WASHC4: variants seen among roughly 807,000 people sequenced by gnomAD.
The protein encoded by WASHC4 is WASH complex subunit 4, also known as WASH complex subunit 7.
Under a neutral mutation model 166.6 loss-of-function variants are expected in WASHC4, and 86 were observed. That is an observed-to-expected ratio of 0.52 (90% confidence interval 0.43 to 0.62). WASHC4 has a LOEUF of 0.62. WASHC4 is among the 20% of genes least tolerant of loss of function. WASHC4 has a pLI of 0.00. For missense variants in WASHC4, 1,262 were observed against 1,382.4 expected (o/e 0.91, Z 1.38); for synonymous variants, 446 against 451.6 (o/e 0.99, Z 0.16).
In WASHC4 at chr12:105,120,581, C is replaced by A; in HGVS notation, c.545C>A (p.Thr182Asn). 1 of 1,602,494 alleles carries A rather than the reference C, an allele frequency of 6.2e-7. No individual in the cohort carries two copies. Among genetic ancestry groups the A allele is most frequent in the Non-Finnish European group, 8.5e-7 (1 of 1,169,736 alleles). Residue 182 changes from threonine (T) to asparagine (N), a missense_variant, in exon 8 of 33, where the codon ACT becomes AAT. Transcript: ENST00000332180. ...NKIAPKIIET[T>N]GVHFQTMYEH... ...ATTGCACCCAAAATTATAGAGACAA[C>A]TGGAGTTCATTTTCAGGTAAAAGAC...
At chr12:105,124,399 C>T (rs1180273102) in intron 10 of WASHC4, among the ~76,000 whole-genome samples, 2 of 151,864 alleles carry the variant, frequency 1.3e-5, no homozygotes, top group African/African-American at 4.8e-5. Flanking sequence ...TGTTTTTGTG[C>T]TGGTTGGGAA....
chr12:105,151,164 A>G (rs889094244), intron 25 of WASHC4, among the ~76,000 whole-genome samples: 4 of 151,540 alleles, frequency 2.6e-5, no homozygotes, highest in Non-Finnish European at 4.4e-5. Flanking sequence ...AAAAAAAAAA[A>G]AAAAAAGAAC....
intron 22 of WASHC4, 117 bp downstream of exon 22, chr12:105,144,989 T>C (rs1883180121): frequency 1.9e-6 from 2 of 1,045,192 alleles, no homozygotes; most frequent in Non-Finnish European, 2.8e-6. Context: ...TAAGAAATTA[T>C]TTGCCATATA....
In WASHC4 at chr12:105,124,774, C is replaced by T. The variant is rs564796722; in HGVS notation, c.787-1230C>T. 1.7e-3 allele frequency among the ~76,000 whole-genome samples: 264 copies of T among 152,284 alleles called. 3 individuals are homozygous for T. Among genetic ancestry groups the T allele is most frequent in the African/African-American group, 6.2e-3 (257 of 41,564 alleles). On this transcript the variant is annotated intron_variant, in intron 10 of 32. Coordinates refer to ENST00000332180, the MANE Select transcript of WASHC4 (RefSeq NM_015275.3). ...GATTACAGGCATGAGCCACCATGCC[C>T]GGCCAGGTTAAGGTTTTTAAGACAA...
chr12:105,146,303 T>G, intron 22 of WASHC4, 149 bp from the exon 23 acceptor site: 1 of 573,810 alleles, frequency 1.7e-6, no homozygotes, highest in Non-Finnish European at 3.1e-6. Flanking sequence ...ATTTGTCTTT[T>G]AACGTTTGAT....
At chr12:105,133,607 G>C (rs1211276) in intron 13 of WASHC4, among the ~76,000 whole-genome samples, 163 bp from the exon 14 acceptor site, 133,854 of 152,232 alleles carry the variant, frequency 0.88, 59,140 homozygotes, top group East Asian at 1. Flanking sequence ...CAGTACCTGG[G>C]ATGTTTGTTG....
intron 24 of WASHC4, chr12:105,148,236 C>G: frequency 1.0e-6 from 1 of 985,106 alleles, no homozygotes; most frequent in Non-Finnish European, 1.2e-6. Context: ...ATGAAACATA[C>G]AATTTTAAAT....
chr12:105,110,289 A>C (rs565699913), intron 1 of WASHC4, among the ~76,000 whole-genome samples: 2 of 152,306 alleles, frequency 1.3e-5, no homozygotes, highest in East Asian at 3.9e-4. Flanking sequence ...GAGGAGAGCA[A>C]ATTTTTACCT....
At chr12:105,147,498 A>T (rs1475051880) in intron 24 of WASHC4, 1 of 585,532 alleles carries the variant, frequency 1.7e-6, no homozygotes, top group East Asian at 8.1e-5. Flanking sequence ...GAAAGTCAAC[A>T]ATAGATAGTA....
Position 105,107,877 on chromosome 12 carries a change from G to A in WASHC4, c.61+16G>A, listed in dbSNP as rs1158436934. ...GGCTCGCAGAGTAAGGGAGCTGCAG[G>A]GCGAGGGCTGCGGGTGGACGCTCCT... is the stretch of plus-strand genomic sequence containing the variant. On this transcript the variant is annotated intron_variant, in intron 1 of 32. Coordinates refer to ENST00000332180, the MANE Select transcript of WASHC4 (RefSeq NM_015275.3). The A allele has an allele frequency of 6.5e-7, 1 of 1,540,350 alleles. No individual in the cohort carries two copies. Among genetic ancestry groups the A allele is most frequent in the Non-Finnish European group, 8.8e-7 (1 of 1,137,372 alleles).
chr12:105,122,039 G>T, intron 9 of WASHC4, 79 bp from the exon 10 acceptor site: 2 of 1,009,476 alleles, frequency 2.0e-6, no homozygotes, highest in South Asian at 1.5e-5. Context: ...ATAAAATTTT[G>T]ACTTCCAGGA....
At chr12:105,151,154 A>G (rs1018934806) in intron 25 of WASHC4, among the ~76,000 whole-genome samples, 1 of 151,254 alleles carries the variant, frequency 6.6e-6, no homozygotes, top group African/African-American at 2.4e-5. Flanking sequence ...TCAAAAAAAA[A>G]AAAAAAAAAA....
intron 23 of WASHC4, among the ~76,000 whole-genome samples, 173 bp from the exon 24 acceptor site, chr12:105,146,861 TCATTGGAA>T (rs1473055921): frequency 3.9e-5 from 6 of 152,148 alleles, no homozygotes; most frequent in Non-Finnish European, 7.4e-5. Context: ...AAGGAAACGC[TCATTGGAA>T]CATTTTGGAT....
At chr12:105,159,949 TCAAAGCCACG>T in intron 28 of WASHC4, 42 bp from the exon 29 acceptor site, 1 of 1,563,924 alleles carries the variant, frequency 6.4e-7, no homozygotes, top group African/African-American at 1.4e-5. Context: ...TGGATTTTTT[TCAAAGCCACG>T]CTTCTTTTGA....
intron 29 of WASHC4, among the ~76,000 whole-genome samples, chr12:105,161,188 AGTT>A (rs1179643574): frequency 1.3e-5 from 2 of 152,182 alleles, no homozygotes; most frequent in Admixed American, 6.5e-5. Context: ...TTGCTGCCCA[AGTT>A]GTTAACACAT....
At chr12:105,164,363 C>A in intron 31 of WASHC4, 56 bp downstream of exon 31, 1 of 1,445,872 alleles carries the variant, frequency 6.9e-7, no homozygotes, top group Non-Finnish European at 9.7e-7. Context: ...ATATCCATGA[C>A]TTCTTAATGT....
chr12:105,131,356 G>C (rs1881803566), intron 13 of WASHC4, among the ~76,000 whole-genome samples: 1 of 152,206 alleles, frequency 6.6e-6, no homozygotes, highest in South Asian at 2.1e-4. Context: ...AAAGTGCTGG[G>C]ATTACAGGCG....
At chr12:105,128,945 A>ATT (rs60081185) in intron 13 of WASHC4, among the ~76,000 whole-genome samples, 25 of 99,618 alleles carry the variant, frequency 2.5e-4, no homozygotes, top group African/African-American at 5.3e-4. Flanking sequence ...GCCCAGCTAC[A>ATT]TTTTTTTTTT....
chr12:105,108,833 C>G (rs1879347025), intron 1 of WASHC4, among the ~76,000 whole-genome samples: 1 of 152,046 alleles, frequency 6.6e-6, no homozygotes, highest in Non-Finnish European at 1.5e-5. Context: ...AGACTAATGC[C>G]TACAATGTTA....
Sources: gnomAD v4.1 joint callset for allele counts (sites outside exome capture counted in the v4.1 genomes callset) on GRCh38, gnomAD v4.1.1 for gene constraint, MANE v1.5 for transcripts, NCBI Gene and HGNC (gene_info 2026-07-23, HGNC 2026-07-21) for gene names.